Variants in FREM2 observed in about 807,000 individuals in gnomAD.
The protein encoded by FREM2 is FRAS1 related extracellular matrix 2.
Under a neutral mutation model 219.9 loss-of-function variants are expected in FREM2, and 119 were observed. The ratio of observed to expected loss-of-function variants is 0.54; its 90% CI spans 0.47 to 0.63. The LOEUF (loss-of-function observed/expected upper bound fraction) is 0.63, where lower values mean the gene tolerates loss of function less well. Ranked by LOEUF, FREM2 falls within the 30% of genes least tolerant of loss-of-function variation. The probability of loss-of-function intolerance (pLI) is 0.00; values close to 1 mark genes in which losing one functional copy is unlikely to be tolerated. For synonymous variants in FREM2, 1,562 were observed against 1,522.8 expected (o/e 1.03, Z -0.60); for missense variants, 4,030 against 3,993.6 (o/e 1.01, Z -0.25).
chr13:38,812,739 C>A (rs1748551711), intron 6 of FREM2, among the ~76,000 whole-genome samples: 1 of 151,756 alleles, frequency 6.6e-6, no homozygotes, highest in Non-Finnish European at 1.5e-5. Context: ...AAAGATTAGC[C>A]AGGTGTGGTG....
At chr13:38,706,329 T>G (rs1870538736) in intron 2 of FREM2, among the ~76,000 whole-genome samples, 1 of 152,202 alleles carries the variant, frequency 6.6e-6, no homozygotes, top group Non-Finnish European at 1.5e-5. Context: ...TTTATTCAGA[T>G]ATTGGAATCG....
chr13:38,758,448 C>T (rs1005214150), intron 2 of FREM2, among the ~76,000 whole-genome samples: 1 of 152,192 alleles, frequency 6.6e-6, no homozygotes, highest in African/African-American at 2.4e-5. Flanking sequence ...CTCTTGTGAA[C>T]TCCCACAGCT....
At chr13:38,725,908 A>G (rs767321760) in intron 2 of FREM2, among the ~76,000 whole-genome samples, 9 of 152,188 alleles carry the variant, frequency 5.9e-5, no homozygotes, top group East Asian at 1.9e-4. Context: ...TGAGGTGGCA[A>G]GGATGTAATT....
At chr13:38,700,084 A>G (rs1294643726) in intron 2 of FREM2, among the ~76,000 whole-genome samples, 2 of 152,122 alleles carry the variant, frequency 1.3e-5, no homozygotes, top group African/African-American at 2.4e-5. Context: ...TGATTTTATA[A>G]CAGTAACTAT....
intron 4 of FREM2, among the ~76,000 whole-genome samples, chr13:38,782,014 T>C (rs989368670): frequency 1.3e-5 from 2 of 152,174 alleles, no homozygotes; most frequent in African/African-American, 2.4e-5. Flanking sequence ...GTATTCCCCA[T>C]TGGCCGACCC....
chr13:38,713,775 A>G lies in FREM2; in HGVS notation c.5263+15988A>G, dbSNP rs144656712. Among the ~76,000 whole-genome samples the G allele has an allele frequency of 4.0e-3, 607 of 152,300 alleles. 4 individuals carry two copies. The highest frequency in any genetic ancestry group is 0.014 in the African/African-American group (582 of 41,576). On this transcript the variant is annotated intron_variant, in intron 2 of 23. Transcript: ENST00000280481. ...CCATGAAACCTTGTTGTATTTCTTC[A>G]TCCCAAAGTAAGCTCTATCTTTTCT...
intron 6 of FREM2, among the ~76,000 whole-genome samples, chr13:38,790,626 A>G (rs1206038894): frequency 6.6e-6 from 1 of 152,182 alleles, no homozygotes; most frequent in Non-Finnish European, 1.5e-5. Flanking sequence ...CATGTCAGGA[A>G]TACCATGGCT....
chr13:38,826,430 G>A (rs780369975), intron 6 of FREM2, among the ~76,000 whole-genome samples: 1 of 152,028 alleles, frequency 6.6e-6, no homozygotes, highest in South Asian at 2.1e-4. Context: ...ATGCAATAGC[G>A]TTGACTGCTA....
intron 2 of FREM2, among the ~76,000 whole-genome samples, chr13:38,724,313 A>C (rs911123091): frequency 1.3e-5 from 2 of 152,226 alleles, no homozygotes; most frequent in Non-Finnish European, 2.9e-5. Context: ...AAATTAGTAC[A>C]TTTTAAGGTA....
intron 2 of FREM2, among the ~76,000 whole-genome samples, chr13:38,728,405 C>A (rs1871618530): frequency 6.6e-6 from 1 of 151,930 alleles, no homozygotes; most frequent in South Asian, 2.1e-4. Context: ...GGGATCCCCA[C>A]ACTATTATTA....
chr13:38,809,907 G>T lies in FREM2; in HGVS notation c.6019+25099G>T, dbSNP rs191020143. Among the ~76,000 whole-genome samples the T allele has an allele frequency of 1.1e-3, 172 of 151,998 alleles. 1 individual carries two copies. Among genetic ancestry groups the T allele is most frequent in the African/African-American group, 4.0e-3 (165 of 41,514 alleles). On this transcript the variant is annotated intron_variant, in intron 6 of 23. Coordinates refer to ENST00000280481, the MANE Select transcript of FREM2 (RefSeq NM_207361.6). The stretch of plus-strand genomic sequence containing the variant: ...TTTATAGGGATTGCATTAAATCTAT[G>T]GATTGCTTTGAGTAGTATGAACATT...
chr13:38,859,194 G>A (rs968823076), intron 13 of FREM2, 93 bp from the exon 14 acceptor site: 40 of 1,216,284 alleles, frequency 3.3e-5, no homozygotes, highest in Non-Finnish European at 4.7e-5. Flanking sequence ...ATTGGGGAAA[G>A]CAGCAGTGAA....
At chr13:38,844,686 A>G (rs1470321398) in intron 6 of FREM2, among the ~76,000 whole-genome samples, 1 of 152,172 alleles carries the variant, frequency 6.6e-6, no homozygotes, top group Non-Finnish European at 1.5e-5. Flanking sequence ...CCTTAACTGC[A>G]TTTCACAGCT....
At chr13:38,801,789 G>A (rs1875019655) in intron 6 of FREM2, among the ~76,000 whole-genome samples, 1 of 152,134 alleles carries the variant, frequency 6.6e-6, no homozygotes, top group African/African-American at 2.4e-5. Context: ...GTATTAGTGG[G>A]TCATGGTGGC....
chr13:38,850,657 T>C (rs1248378679), intron 9 of FREM2, among the ~76,000 whole-genome samples: 2 of 152,226 alleles, frequency 1.3e-5, no homozygotes, highest in East Asian at 3.8e-4. Context: ...AATTCATAAA[T>C]AAAATTGACA....
chr13:38,861,356 C>T (rs1421737436), intron 14 of FREM2, 75 bp from the exon 15 acceptor site: 2 of 1,480,326 alleles, frequency 1.4e-6, no homozygotes, highest in Non-Finnish European at 1.9e-6. Context: ...ATAATAGCTC[C>T]TATTTTCTAA....
chr13:38,775,615 C>T (rs941161000), intron 4 of FREM2, among the ~76,000 whole-genome samples: 2 of 152,060 alleles, frequency 1.3e-5, no homozygotes, highest in Non-Finnish European at 2.9e-5. Context: ...CCGAAAGATT[C>T]ACTTTATTTA....
chr13:38,777,175 CAT>C (rs920802672), intron 4 of FREM2, among the ~76,000 whole-genome samples: 2 of 151,878 alleles, frequency 1.3e-5, no homozygotes, highest in East Asian at 3.9e-4. Context: ...TGTATACAAT[CAT>C]ATATATATAA....
At chr13:38,710,015 ACAC>A (rs1345009116) in intron 2 of FREM2, among the ~76,000 whole-genome samples, 7 of 151,272 alleles carry the variant, frequency 4.6e-5, no homozygotes, top group African/African-American at 1.7e-4. Context: ...ACACACACAC[ACAC>A]ACACACACAC....
Sources: allele counts gnomAD v4.1 joint callset (sites outside exome capture counted in the v4.1 genomes callset), GRCh38; gene constraint gnomAD v4.1.1; transcripts MANE v1.5; gene names NCBI Gene and HGNC (gene_info 2026-07-23, HGNC 2026-07-21).